Variants in NRXN3 observed in about 807,000 individuals in gnomAD.
NRXN3 encodes neurexin III.
Under a neutral mutation model 137.6 loss-of-function variants are expected in NRXN3, and 32 were observed. The observed-to-expected ratio is 0.23, with a 90% CI of 0.18 to 0.31. NRXN3 has a LOEUF of 0.31. Ranked by LOEUF, NRXN3 falls within the 10% of genes least tolerant of loss-of-function variation. The probability of loss-of-function intolerance (pLI) is 1.00; values close to 1 mark genes in which losing one functional copy is unlikely to be tolerated. For missense variants in NRXN3, 1,574 were observed against 2,062.5 expected, an observed-to-expected ratio of 0.76 and a Z score of 4.59; for synonymous variants, 798 against 784.5, an observed-to-expected ratio of 1.02 and a Z score of -0.29.
intron 4 of NRXN3, among the ~76,000 whole-genome samples, chr14:78,356,930 C>T (rs1435807203): frequency 6.6e-6 from 1 of 152,124 alleles, no homozygotes; most frequent in Non-Finnish European, 1.5e-5. Flanking sequence ...TTTGATTGGT[C>T]AGGAAATTTT....
At chr14:79,110,208 G>C (rs370660560) in intron 15 of NRXN3, among the ~76,000 whole-genome samples, 22 of 152,228 alleles carry the variant, frequency 1.4e-4, no homozygotes, top group African/African-American at 4.8e-4. Context: ...ATGCATTTTC[G>C]TAACAGAAAA....
intron 15 of NRXN3, among the ~76,000 whole-genome samples, chr14:79,295,464 A>G (rs1257950073): frequency 4.6e-5 from 7 of 152,122 alleles, no homozygotes; most frequent in Non-Finnish European, 8.8e-5. Context: ...TTTTGTTTTC[A>G]CTGTAGCTTG....
chr14:79,861,005 T>C lies in NRXN3; in HGVS notation c.4094-337T>C. ...GTTGAGTGAGAGTTGTTTACAAATA[T>C]ACTAATTGTTTTTCTTTTTCTTTTC... On this transcript the variant is annotated intron_variant, in intron 20 of 20. Transcript: ENST00000335750. This position sits in a 1 kb window ranked among gnomAD's most constrained non-coding sequence, Gnocchi z 5.4. 7.7e-7 allele frequency: 1 copy of C among 1,291,210 alleles called. No individual in the cohort carries two copies. Among genetic ancestry groups the C allele is most frequent in the South Asian group, 1.8e-5 (1 of 57,108 alleles). The allele number at this position is 1,291,210 out of a possible 1,614,324, so 80.0% of individuals were successfully genotyped here. A position where few individuals can be genotyped will look rare whatever the true frequency, so the allele number is the denominator to read the frequency against.
At chr14:79,011,974 G>T (rs1413182823) in intron 15 of NRXN3, among the ~76,000 whole-genome samples, 1 of 152,186 alleles carries the variant, frequency 6.6e-6, no homozygotes, top group Admixed American at 6.5e-5. Flanking sequence ...ACACTGATTT[G>T]ACTCATTCCA....
intron 3 of NRXN3, among the ~76,000 whole-genome samples, chr14:78,289,711 C>T (rs939036338): frequency 5.9e-5 from 9 of 151,906 alleles, no homozygotes; most frequent in African/African-American, 2.2e-4. Context: ...GTCAAGAGAT[C>T]AAGACCGTCC....
chr14:79,740,109 C>G (rs2098955848), intron 19 of NRXN3, among the ~76,000 whole-genome samples: 1 of 152,182 alleles, frequency 6.6e-6, no homozygotes, highest in African/African-American at 2.4e-5. Context: ...TCACTGTCCT[C>G]TAGCCCCTGA....
chr14:79,131,791 G>T (rs1452405514), intron 15 of NRXN3, among the ~76,000 whole-genome samples: 1 of 152,220 alleles, frequency 6.6e-6, no homozygotes, highest in Non-Finnish European at 1.5e-5. Context: ...CTGCCACCTT[G>T]CAGTTTGATC....
At chr14:79,819,483 T>TTTTTTTTC (rs2099263935) in intron 20 of NRXN3, among the ~76,000 whole-genome samples, 2 of 42,238 alleles carry the variant, frequency 4.7e-5, no homozygotes, top group Non-Finnish European at 9.3e-5. Context: ...CATTAAAAGC[T>TTTTTTTTC]TTTTTTTTTT....
chr14:78,580,365 C>T (rs2096980952), intron 4 of NRXN3, among the ~76,000 whole-genome samples: 1 of 152,142 alleles, frequency 6.6e-6, no homozygotes, highest in East Asian at 1.9e-4. Flanking sequence ...CTTACCACTG[C>T]TCAGCACTTA....
chr14:78,451,005 T>C (rs1177810233), intron 4 of NRXN3, among the ~76,000 whole-genome samples: 4 of 151,200 alleles, frequency 2.6e-5, no homozygotes, highest in Non-Finnish European at 5.9e-5. Context: ...TTTGGAGCTT[T>C]GCATCAGAAT....
At chr14:78,516,536 T>C (rs190867144) in intron 4 of NRXN3, among the ~76,000 whole-genome samples, 4 of 151,308 alleles carry the variant, frequency 2.6e-5, no homozygotes, top group Middle Eastern at 3.4e-3. Flanking sequence ...CATTGAGAAG[T>C]AGTGAGATTG....
intron 15 of NRXN3, among the ~76,000 whole-genome samples, chr14:79,064,185 C>A (rs184995391): frequency 6.6e-6 from 1 of 152,114 alleles, no homozygotes; most frequent in East Asian, 1.9e-4. Context: ...AACATGGAGA[C>A]AATGGCACAG....
rs368980162 is a variant in NRXN3, at chr14:79,739,699, C to T, written c.4014+41762C>T. 1.7e-4 allele frequency among the ~76,000 whole-genome samples: 24 copies of T among 141,174 alleles called. No individual in the cohort carries two copies. The South Asian group carries it at 3.4e-3, about 20-fold the overall frequency. The allele number at this position is 141,174 out of a possible 152,430, so 92.6% of individuals were successfully genotyped here. A position where few individuals can be genotyped will look rare whatever the true frequency, so the allele number is the denominator to read the frequency against. ...AAAAGAACCCAGGCCTCCAATGGTGCGATCAGGTGCCAGGTACTCTTGTCT... is the reference window on the plus strand; with the variant it reads ...AAAAGAACCCAGGCCTCCAATGGTGTGATCAGGTGCCAGGTACTCTTGTCT... On this transcript the variant is annotated intron_variant, in intron 19 of 20. Transcript: ENST00000335750.
chr14:78,581,074 A>G (rs973331217), intron 4 of NRXN3, among the ~76,000 whole-genome samples: 15 of 152,334 alleles, frequency 9.8e-5, no homozygotes, highest in Non-Finnish European at 1.9e-4. Flanking sequence ...AAGTCTGTGA[A>G]TTAGGTATAA....
chr14:78,880,466 A>T (rs752391799), intron 10 of NRXN3, among the ~76,000 whole-genome samples: 47 of 152,184 alleles, frequency 3.1e-4, no homozygotes, highest in Non-Finnish European at 6.0e-4. Context: ...TTCAGTAGTG[A>T]AATGCAAGCA....
chr14:79,533,024 G>C (rs939345235), intron 16 of NRXN3, among the ~76,000 whole-genome samples: 2 of 151,932 alleles, frequency 1.3e-5, no homozygotes, highest in African/African-American at 4.8e-5. Flanking sequence ...TTGAAGTATG[G>C]GGTATTTCAA....
intron 10 of NRXN3, among the ~76,000 whole-genome samples, chr14:78,949,144 G>C (rs1278645712): frequency 6.6e-6 from 1 of 152,112 alleles, no homozygotes; most frequent in Non-Finnish European, 1.5e-5. Context: ...AAAAGGAAAA[G>C]TAGTGACTTC....
chr14:78,806,236 A>C (rs2098868000), intron 9 of NRXN3, among the ~76,000 whole-genome samples: 1 of 152,026 alleles, frequency 6.6e-6, no homozygotes, highest in Admixed American at 6.6e-5. Context: ...AATTTATTTA[A>C]CTTTCTTTCC....
intron 16 of NRXN3, among the ~76,000 whole-genome samples, chr14:79,509,333 A>G (rs1439715552): frequency 6.6e-6 from 1 of 152,128 alleles, no homozygotes; most frequent in Non-Finnish European, 1.5e-5. Context: ...TGGTGAAACC[A>G]TGTCTCTACT....
Sources: allele counts gnomAD v4.1 joint callset (sites outside exome capture counted in the v4.1 genomes callset), GRCh38; gene constraint gnomAD v4.1.1; non-coding constraint Gnocchi (gnomAD v3.1); transcripts MANE v1.5; gene names NCBI Gene and HGNC (gene_info 2026-07-23, HGNC 2026-07-21).